CAPZB: variants seen among roughly 807,000 people sequenced by gnomAD.
The protein encoded by CAPZB is F-actin-capping protein subunit beta.
In CAPZB, 2 loss-of-function variants were observed where a neutral mutation model predicts 38.1. The observed-to-expected ratio is 0.05, with a 90% confidence interval of 0.02 to 0.17. CAPZB has a LOEUF of 0.17. CAPZB is among the 10% of genes least tolerant of loss of function. CAPZB has a pLI of 1.00. For synonymous variants in CAPZB, 107 were observed against 127.4 expected (o/e 0.84, Z 1.08); for missense variants, 161 against 334.2 (o/e 0.48, Z 4.04).
chr1:19,452,900 T>C (rs1366484723), intron 1 of CAPZB, among the ~76,000 whole-genome samples: 7 of 150,454 alleles, frequency 4.7e-5, no homozygotes, highest in Non-Finnish European at 1.0e-4. Context: ...GCCTCCTGAG[T>C]TCAAGCGATT....
intron 4 of CAPZB, among the ~76,000 whole-genome samples, chr1:19,375,475 T>C (rs1367160534): frequency 1.3e-5 from 2 of 152,168 alleles, no homozygotes; most frequent in Admixed American, 1.3e-4. Flanking sequence ...GCGGGGCCAC[T>C]CTCCTCCTTC....
intron 1 of CAPZB, among the ~76,000 whole-genome samples, chr1:19,447,594 T>C (rs2094500977): frequency 6.6e-6 from 1 of 152,098 alleles, no homozygotes; most frequent in Non-Finnish European, 1.5e-5. Context: ...ACAAGATCTA[T>C]TTTTTGTGCC....
At chr1:19,444,207 C>G (rs1190284862) in intron 1 of CAPZB, among the ~76,000 whole-genome samples, 2 of 152,102 alleles carry the variant, frequency 1.3e-5, no homozygotes, top group Admixed American at 1.3e-4. Context: ...AGAGCTTCAG[C>G]AGGAGTGTCT....
At chr1:19,455,906 T>C (rs1468485528) in intron 1 of CAPZB, among the ~76,000 whole-genome samples, 1 of 152,246 alleles carries the variant, frequency 6.6e-6, no homozygotes, top group Non-Finnish European at 1.5e-5. Flanking sequence ...GATTCTTATA[T>C]GCAAGGCTCT....
At chr1:19,372,355 G>C (rs2094123646) in intron 4 of CAPZB, among the ~76,000 whole-genome samples, 2 of 152,234 alleles carry the variant, frequency 1.3e-5, no homozygotes, top group Non-Finnish European at 2.9e-5. Flanking sequence ...GCGCAGATGG[G>C]AGTAATCATC....
intron 6 of CAPZB, among the ~76,000 whole-genome samples, chr1:19,345,763 T>G (rs74056805): frequency 4.6e-5 from 7 of 152,374 alleles, no homozygotes; most frequent in African/African-American, 1.4e-4. Context: ...AGACAACCTC[T>G]GACGGAGACT....
chr1:19,402,170 C>T (rs745506496), intron 2 of CAPZB, among the ~76,000 whole-genome samples: 1 of 152,212 alleles, frequency 6.6e-6, no homozygotes, highest in Non-Finnish European at 1.5e-5. Context: ...TCAAGAGCAG[C>T]AGCTGTTCCC....
chr1:19,391,466 T>G (rs1007555783), intron 2 of CAPZB, among the ~76,000 whole-genome samples: 2 of 144,934 alleles, frequency 1.4e-5, no homozygotes, highest in African/African-American at 4.9e-5. Flanking sequence ...TTGGGTGCAC[T>G]CAGAGGAAAC....
chr1:19,430,324 C>A (rs1417352224), intron 1 of CAPZB, among the ~76,000 whole-genome samples: 3 of 152,214 alleles, frequency 2.0e-5, no homozygotes, highest in Non-Finnish European at 4.4e-5. Flanking sequence ...CCTTACACAT[C>A]CCTCCAGGAA....
chr1:19,451,711 A>G (rs547526730), intron 1 of CAPZB, among the ~76,000 whole-genome samples: 5 of 151,416 alleles, frequency 3.3e-5, no homozygotes, highest in African/African-American at 1.2e-4. Flanking sequence ...TTCCACATGG[A>G]CAGTGTGGAA....
At chr1:19,415,230 T>TC (rs572737388) in intron 2 of CAPZB, among the ~76,000 whole-genome samples, 6 of 151,618 alleles carry the variant, frequency 4.0e-5, no homozygotes, top group South Asian at 2.1e-4. Context: ...AACAACAATC[T>TC]CCCCCCCTTC....
intron 1 of CAPZB, among the ~76,000 whole-genome samples, chr1:19,428,543 T>C (rs756760926): frequency 2.6e-5 from 4 of 152,230 alleles, no homozygotes; most frequent in Non-Finnish European, 5.9e-5. Flanking sequence ...TTTTCTTTTA[T>C]AAACAAGTCT....
intron 1 of CAPZB, among the ~76,000 whole-genome samples, chr1:19,479,894 C>T (rs893167322): frequency 6.6e-6 from 1 of 152,152 alleles, no homozygotes; most frequent in Non-Finnish European, 1.5e-5. Flanking sequence ...CATGGGCTCG[C>T]ATCTACTGCT....
intron 2 of CAPZB, among the ~76,000 whole-genome samples, chr1:19,413,345 T>TA (rs1240082823): frequency 6.6e-6 from 1 of 152,180 alleles, no homozygotes; most frequent in Non-Finnish European, 1.5e-5. Context: ...GGCAAAAACT[T>TA]AAAAACAAAA....
At chr1:19,465,879 A>C (rs2094567428) in intron 1 of CAPZB, among the ~76,000 whole-genome samples, 1 of 152,178 alleles carries the variant, frequency 6.6e-6, no homozygotes, top group East Asian at 1.9e-4. Context: ...TAAGACCAAC[A>C]ACATGTACGG....
At chr1:19,341,231 G>A (rs1189659584) in intron 8 of CAPZB, among the ~76,000 whole-genome samples, 2 of 152,342 alleles carry the variant, frequency 1.3e-5, no homozygotes, top group Admixed American at 1.3e-4. Flanking sequence ...CTCTGCGGCG[G>A]CCAAAGGCAT....
intron 2 of CAPZB, among the ~76,000 whole-genome samples, chr1:19,400,550 G>C (rs2094297923): frequency 6.6e-6 from 1 of 152,162 alleles, no homozygotes; most frequent in Non-Finnish European, 1.5e-5. Flanking sequence ...GGAGGGAGTT[G>C]TTGTCTGCCT....
chr1:19,413,383 G>A (rs1368840483), intron 2 of CAPZB, among the ~76,000 whole-genome samples: 2 of 152,246 alleles, frequency 1.3e-5, no homozygotes, highest in Non-Finnish European at 2.9e-5. Context: ...ACCCAAACTG[G>A]AGTGTAGTGG....
At position 19,384,228 on chromosome 1, in the gene CAPZB, C is replaced by A. The variant is rs992435806; in HGVS notation, c.215+1277G>T. Among the ~76,000 whole-genome samples, 4 of 152,264 alleles carry A rather than the reference C, an allele frequency of 2.6e-5. No individual in the cohort carries two copies. In the East Asian group the frequency reaches 7.7e-4, roughly 29 times the overall value. On this transcript the variant is annotated intron_variant, in intron 3 of 8. Coordinates refer to ENST00000264202, the MANE Select transcript of CAPZB (RefSeq NM_004930.5). ...CAGACCTGCCCTGGCCATGCCTCCT[C>A]CCTCATCTCCGCCCCCACTGCCCTC... is the stretch of plus-strand genomic sequence containing the variant.
Sources: gnomAD v4.1 joint callset for allele counts (sites outside exome capture counted in the v4.1 genomes callset) on GRCh38, gnomAD v4.1.1 for gene constraint, MANE v1.5 for transcripts, NCBI Gene and HGNC (gene_info 2026-07-23, HGNC 2026-07-21) for gene names.